The following DDX39A variants were observed in gnomAD, a reference collection of about 807,000 sequenced individuals.
The protein encoded by DDX39A is ATP-dependent RNA helicase DDX39A.
In DDX39A, 13 loss-of-function variants were observed where a neutral mutation model predicts 46.3. The observed-to-expected ratio is 0.28, with a 90% CI of 0.18 to 0.45. DDX39A has a LOEUF of 0.45. DDX39A is among the 20% of genes least tolerant of loss of function. DDX39A has a pLI of 1.00. For missense variants in DDX39A, 352 were observed against 581.8 expected, an observed-to-expected ratio of 0.61 and a Z score of 4.06; for synonymous variants, 234 against 224.6, an observed-to-expected ratio of 1.04 and a Z score of -0.38.
chr19:14,415,868 C>A, intron 1 of DDX39A: 1 of 159,018 alleles, frequency 6.3e-6, no homozygotes, highest in South Asian at 1.3e-4. Context: ...GGTCAGGAGT[C>A]CAGGACCAGC....
chr19:14,411,453 C>T lies in DDX39A; in HGVS notation c.429+53G>A. On this transcript the variant is annotated intron_variant, in intron 4 of 10. Coordinates refer to ENST00000242776, the MANE Select transcript of DDX39A (RefSeq NM_005804.4). This position sits in a 1 kb window ranked among gnomAD's most constrained non-coding sequence, Gnocchi z 4.1. ...CTGGCTGGGCCAGAGCCGAGGCTAA[C>T]AAAGCTGCAGAAACCAAGTGGCGCC... 1 of 1,539,168 alleles carries T rather than the reference C, an allele frequency of 6.5e-7. No homozygotes were observed. Among genetic ancestry groups the T allele is most frequent in the South Asian group, 1.1e-5 (1 of 89,576 alleles).
chr19:14,411,239 A>G lies in DDX39A; in HGVS notation c.430-67T>C. 1 of 1,501,442 alleles carries G rather than the reference A, an allele frequency of 6.7e-7. No individual in the cohort carries two copies. Among genetic ancestry groups the G allele is most frequent in the Non-Finnish European group, 8.9e-7 (1 of 1,122,950 alleles). 93.0% of individuals were successfully genotyped at this position (1,501,442 alleles called of 1,614,324 possible). On this transcript the variant is annotated intron_variant, in intron 4 of 10. Transcript: ENST00000242776. The surrounding 1 kb of genome is among the most constrained non-coding windows in gnomAD (Gnocchi z 4.1). ...CCCAAGGCCCCAACCTGCACGGCCCAGCACCTGCGAACAGGAGGCCTCAGG... is the reference window on the plus strand; with the variant it reads ...CCCAAGGCCCCAACCTGCACGGCCCGGCACCTGCGAACAGGAGGCCTCAGG...
chr19:14,408,808 G>A lies in DDX39A; in HGVS notation c.*128C>T. On this transcript the variant is annotated 3_prime_UTR_variant, in exon 11 of 11. Coordinates refer to ENST00000242776, the MANE Select transcript of DDX39A (RefSeq NM_005804.4). ...AAGATGACCAAGAAATAGATGGGGTGGGAGCCAGGCTTCCATAATAACAAG... is the reference window on the plus strand; with the variant it reads ...AAGATGACCAAGAAATAGATGGGGTAGGAGCCAGGCTTCCATAATAACAAG... 16 of 1,367,930 alleles carry A rather than the reference G, an allele frequency of 1.2e-5. No individual in the cohort carries two copies. Among genetic ancestry groups the A allele is most frequent in the Non-Finnish European group, 1.6e-5 (16 of 1,028,628 alleles). 84.7% of individuals were successfully genotyped at this position (1,367,930 alleles called of 1,614,324 possible).
chr19:14,417,204 ACATCCCCTGACCAATC>A (rs1177160939), intron 1 of DDX39A, among the ~76,000 whole-genome samples: 2 of 152,144 alleles, frequency 1.3e-5, no homozygotes, highest in East Asian at 3.9e-4. Context: ...AAAGACAGGA[ACATCCCCTGACCAATC>A]CATGGGTAGA....
Position 14,413,121 on chromosome 19 carries a change from T to C in DDX39A, c.100A>G (p.Ile34Val), listed in dbSNP as rs1976660804. ...ESTPAPPKKD[I>V]KGSYVSIHSS... is the part of the protein sequence containing the mutation. ...TGGATGGAAACGTAGGATCCCTTGA[T>C]GTCTTTCTTAGGGGGAGCTGGTGTG... Residue 34 changes from isoleucine (I) to valine (V), a missense_variant, in exon 2 of 11, where the codon ATC (isoleucine) becomes GTC (valine). Coordinates refer to ENST00000242776, the MANE Select transcript of DDX39A (RefSeq NM_005804.4). 1.2e-6 allele frequency: 2 copies of C among 1,614,134 alleles called. No individual in the cohort carries two copies. The highest frequency in any genetic ancestry group is 1.7e-6 in the Non-Finnish European group (2 of 1,180,010).
At chr19:14,415,534 C>T (rs985320572) in intron 1 of DDX39A, among the ~76,000 whole-genome samples, 1 of 151,904 alleles carries the variant, frequency 6.6e-6, no homozygotes, top group African/African-American at 2.4e-5. Flanking sequence ...TGGGCTCAGG[C>T]GATCCGCCCA....
At chr19:14,418,647 A>G (rs940201262) in intron 1 of DDX39A, among the ~76,000 whole-genome samples, 1 of 151,732 alleles carries the variant, frequency 6.6e-6, no homozygotes, top group African/African-American at 2.4e-5. Flanking sequence ...TTTTGAGTAG[A>G]GACGAGGTTT....
At chr19:14,414,373 G>A (rs1458814802) in intron 1 of DDX39A, among the ~76,000 whole-genome samples, 2 of 132,582 alleles carry the variant, frequency 1.5e-5, no homozygotes, top group South Asian at 2.4e-4. Context: ...TATTATTATT[G>A]AGATGAAGTC....
chr19:14,412,668 C>T lies in DDX39A; in HGVS notation c.219G>A (p.Glu73=), dbSNP rs756801178. The T allele has an allele frequency of 1.2e-6, 2 of 1,606,074 alleles. No homozygotes were observed. Among genetic ancestry groups the T allele is most frequent in the African/African-American group, 1.3e-5 (1 of 75,042 alleles). ...TGCCCAGGATGGCCTGGGGAATGCA[C>T]TCATGCTGGACTGCAGGAGAAGCAG... ...GFEHPSEVQH[E]CIPQAILGMD... The change falls in exon 3 of 11, where the codon GAG becomes GAA. Residue 73 remains glutamate (E), a synonymous_variant. Transcript: ENST00000242776. This position sits in a 1 kb window ranked among gnomAD's most constrained non-coding sequence, Gnocchi z 4.4.
At position 14,410,912 on chromosome 19, in the gene DDX39A, C is replaced by T; in HGVS notation, c.613+77G>A. ...GCCTGCCGGCCGCCCATGTAACCCA[C>T]TCAAGAGCCTTCCGCCTGCTATGGG... On this transcript the variant is annotated intron_variant, in intron 5 of 10. Coordinates refer to ENST00000242776, the MANE Select transcript of DDX39A (RefSeq NM_005804.4). This position sits in a 1 kb window ranked among gnomAD's most constrained non-coding sequence, Gnocchi z 4.3. 2 of 1,398,422 alleles carry T rather than the reference C, an allele frequency of 1.4e-6. No homozygotes were observed. Among genetic ancestry groups the T allele is most frequent in the East Asian group, 2.5e-5 (1 of 40,460 alleles). The allele number at this position is 1,398,422 out of a possible 1,614,324, so 86.6% of individuals were successfully genotyped here.
rs752797000 is a variant in DDX39A, at chr19:14,411,643, T to C, written c.337-45A>G. On this transcript the variant is annotated intron_variant, in intron 3 of 10. Coordinates refer to ENST00000242776, the MANE Select transcript of DDX39A (RefSeq NM_005804.4). The surrounding 1 kb of genome is among the most constrained non-coding windows in gnomAD (Gnocchi z 4.1). ...GAGGGCCTTACCTTAGGCAGTGTCC[T>C]AAACCCCTTCCCCACCAGAGTCCAC... 4 of 1,566,668 alleles carry C rather than the reference T, an allele frequency of 2.6e-6. No individual in the cohort carries two copies. The highest frequency in any genetic ancestry group is 3.5e-6 in the Non-Finnish European group (4 of 1,139,936).
At chr19:14,414,178 T>G (rs1360809299) in intron 1 of DDX39A, among the ~76,000 whole-genome samples, 1 of 151,906 alleles carries the variant, frequency 6.6e-6, no homozygotes, top group Admixed American at 6.6e-5. Flanking sequence ...TGTCACTCAT[T>G]CCCGGCTCAG....
chr19:14,411,615 G>A lies in DDX39A; in HGVS notation c.337-17C>T. 1 of 1,515,288 alleles carries A rather than the reference G, an allele frequency of 6.6e-7. No individual in the cohort carries two copies. Among genetic ancestry groups the A allele is most frequent in the Non-Finnish European group, 8.8e-7 (1 of 1,142,234 alleles). 93.9% of individuals were successfully genotyped at this position (1,515,288 alleles called of 1,614,324 possible). A position where few individuals can be genotyped will look rare whatever the true frequency, so the allele number is the denominator to read the frequency against. On this transcript the variant is annotated splice_polypyrimidine_tract_variant and intron_variant, in intron 3 of 10. Coordinates refer to ENST00000242776, the MANE Select transcript of DDX39A (RefSeq NM_005804.4). The surrounding 1 kb of genome is among the most constrained non-coding windows in gnomAD (Gnocchi z 4.1). ...GACCGTCACCTGGGAAGTGGCATAA[G>A]AAGAGGGCCTTACCTTAGGCAGTGT... is the stretch of plus-strand genomic sequence containing the variant.
chr19:14,410,499 G>T lies in DDX39A; in HGVS notation c.614-165C>A. The T allele has an allele frequency of 1.6e-6, 1 of 644,340 alleles. No individual in the cohort carries two copies. The allele number at this position is 644,340 out of a possible 1,614,324, so 39.9% of individuals were successfully genotyped here. ...GGCCAGTCCTGGTGCCTGAGGGGCT[G>T]GGGGGTGGCCAGCGAGCGCAGGCGC... On this transcript the variant is annotated intron_variant, in intron 5 of 10. Coordinates refer to ENST00000242776, the MANE Select transcript of DDX39A (RefSeq NM_005804.4). This position sits in a 1 kb window ranked among gnomAD's most constrained non-coding sequence, Gnocchi z 4.3.
chr19:14,409,981 C>T lies in DDX39A; in HGVS notation c.733-108G>A. The T allele has an allele frequency of 7.2e-7, 1 of 1,383,300 alleles. No homozygotes were observed. 85.7% of individuals were successfully genotyped at this position (1,383,300 alleles called of 1,614,324 possible). On this transcript the variant is annotated intron_variant, in intron 6 of 10. Transcript: ENST00000242776. This position sits in a 1 kb window ranked among gnomAD's most constrained non-coding sequence, Gnocchi z 8.3. ...CCTTTGTGCGACACTTCCCAGAGGACCTGCTGCACCAGACCTCAGTAAACA... is the reference window on the plus strand; with the variant it reads ...CCTTTGTGCGACACTTCCCAGAGGATCTGCTGCACCAGACCTCAGTAAACA...
intron 1 of DDX39A, among the ~76,000 whole-genome samples, chr19:14,418,270 C>T (rs117111916): frequency 0.039 from 5,939 of 152,048 alleles, 169 homozygotes; most frequent in Middle Eastern, 0.068. Context: ...GCGGGGTTTT[C>T]CCCGCCCAAA....
intron 1 of DDX39A, chr19:14,416,277 C>T (rs1976806375): frequency 6.6e-6 from 1 of 152,454 alleles, no homozygotes; most frequent in African/African-American, 2.4e-5. Context: ...ACCTCAGCAC[C>T]TTTGCACTTG....
rs757410777 is a variant in DDX39A, at chr19:14,412,392, G to A, written c.336+159C>T. 2 of 930,450 alleles carry A rather than the reference G, an allele frequency of 2.1e-6. No individual in the cohort carries two copies. The allele number at this position is 930,450 out of a possible 1,614,324, so 57.6% of individuals were successfully genotyped here. A position where few individuals can be genotyped will look rare whatever the true frequency, so the allele number is the denominator to read the frequency against. Reference sequence around the variant, plus strand: ...CACCCAGGCTGGAGTGCAGTGGTGTGATCATAGCACACTGCAGCCTCGACT... The same window carrying A: ...CACCCAGGCTGGAGTGCAGTGGTGTAATCATAGCACACTGCAGCCTCGACT... On this transcript the variant is annotated intron_variant, in intron 3 of 10. Coordinates refer to ENST00000242776, the MANE Select transcript of DDX39A (RefSeq NM_005804.4). This position sits in a 1 kb window ranked among gnomAD's most constrained non-coding sequence, Gnocchi z 4.4.
chr19:14,409,919 G>A lies in DDX39A; in HGVS notation c.733-46C>T, dbSNP rs765490744. Reference sequence around the variant, plus strand: ...GAGGGGCGGGCAGGGATCACCTCTGGGCATCTCGCCTGCCCAGAACCTTCC... The same window carrying A: ...GAGGGGCGGGCAGGGATCACCTCTGAGCATCTCGCCTGCCCAGAACCTTCC... On this transcript the variant is annotated intron_variant, in intron 6 of 10. Transcript: ENST00000242776. This position sits in a 1 kb window ranked among gnomAD's most constrained non-coding sequence, Gnocchi z 8.3. 6.2e-7 allele frequency: 1 copy of A among 1,609,970 alleles called. No homozygotes were observed. Among genetic ancestry groups the A allele is most frequent in the Admixed American group, 1.7e-5 (1 of 59,992 alleles).
Sources: allele counts gnomAD v4.1 joint callset (sites outside exome capture counted in the v4.1 genomes callset), GRCh38; gene constraint gnomAD v4.1.1; non-coding constraint Gnocchi (gnomAD v3.1); transcripts MANE v1.5; gene names NCBI Gene and HGNC (gene_info 2026-07-23, HGNC 2026-07-21).